TBC1D23: variants seen among roughly 807,000 people sequenced by gnomAD.
TBC1D23 encodes the protein TBC1 domain family member 23, also known as HCV non-structural protein 4A-transactivated protein 1.
TBC1D23 carries 55 observed loss-of-function variants against 91.4 expected under a neutral mutation model. The observed-to-expected ratio is 0.60, with a 90% CI of 0.48 to 0.75. TBC1D23 has a LOEUF of 0.75. Among genes scored for constraint, TBC1D23 ranks in the 30% least tolerant of loss-of-function variants. The probability of loss-of-function intolerance (pLI) is 0.00; values close to 1 mark genes in which losing one functional copy is unlikely to be tolerated. For missense variants in TBC1D23, 725 were observed against 836.1 expected (o/e 0.87, Z 1.64); for synonymous variants, 289 against 281.0 (o/e 1.03, Z -0.28).
intron 16 of TBC1D23, among the ~76,000 whole-genome samples, chr3:100,317,798 A>T (rs1705776814): frequency 6.6e-6 from 1 of 152,164 alleles, no homozygotes; most frequent in Admixed American, 6.6e-5. Flanking sequence ...CTACACACAC[A>T]TATTTACAAT....
intron 10 of TBC1D23, among the ~76,000 whole-genome samples, chr3:100,300,586 C>T (rs892485438): frequency 4.0e-5 from 6 of 149,840 alleles, no homozygotes; most frequent in African/African-American, 1.5e-4. Context: ...ACTGCAACCT[C>T]AGCCTCCCAG....
At chr3:100,316,501 T>G (rs898919050) in intron 16 of TBC1D23, among the ~76,000 whole-genome samples, 1 of 151,810 alleles carries the variant, frequency 6.6e-6, no homozygotes, top group South Asian at 2.1e-4. Flanking sequence ...AAATGTTGAG[T>G]AGAGGCAGTT....
At chr3:100,323,441 G>C in intron 18 of TBC1D23, 146 bp from the exon 19 acceptor site, 1 of 292,416 alleles carries the variant, frequency 3.4e-6, no homozygotes. Context: ...TACATAGGAG[G>C]CATCTCTGCT....
At chr3:100,278,346 C>CT (rs2067666756) in intron 1 of TBC1D23, among the ~76,000 whole-genome samples, 1 of 151,288 alleles carries the variant, frequency 6.6e-6, no homozygotes, top group African/African-American at 2.4e-5. Flanking sequence ...TAAACAATGA[C>CT]TGAAACCTCA....
intron 4 of TBC1D23, 107 bp from the exon 5 acceptor site, chr3:100,290,471 G>A: frequency 1.0e-6 from 1 of 962,282 alleles, no homozygotes; most frequent in Non-Finnish European, 1.6e-6. Flanking sequence ...CTACTGTCAG[G>A]TAGGCTTCCA....
At chr3:100,308,733 A>G (rs1265777272) in intron 13 of TBC1D23, among the ~76,000 whole-genome samples, 1 of 152,210 alleles carries the variant, frequency 6.6e-6, no homozygotes, top group Non-Finnish European at 1.5e-5. Flanking sequence ...TTAAAATGCT[A>G]TTTAAAAATA....
intron 1 of TBC1D23, among the ~76,000 whole-genome samples, chr3:100,262,723 CAAAAAAAAAA>C (rs1174689237): frequency 3.9e-5 from 2 of 51,422 alleles, no homozygotes; most frequent in Non-Finnish European, 6.9e-5. Context: ...GGCTCGGTCT[CAAAAAAAAAA>C]AAAAAAAAAA....
intron 13 of TBC1D23, among the ~76,000 whole-genome samples, chr3:100,308,424 C>T (rs984859583): frequency 6.6e-6 from 1 of 151,112 alleles, no homozygotes; most frequent in Non-Finnish European, 1.5e-5. Context: ...GCAGTGAGCC[C>T]ACATCCCGCC....
intron 1 of TBC1D23, among the ~76,000 whole-genome samples, chr3:100,263,911 T>C (rs559522233): frequency 6.6e-6 from 1 of 152,326 alleles, no homozygotes; most frequent in African/African-American, 2.4e-5. Flanking sequence ...TCTTGTAGGA[T>C]TGATGTATCT....
intron 13 of TBC1D23, 152 bp from the exon 14 acceptor site, chr3:100,310,251 T>C: frequency 1.4e-6 from 1 of 692,160 alleles, no homozygotes; most frequent in Non-Finnish European, 2.4e-6. Flanking sequence ...TGTCTCCAAA[T>C]ACAGTCACAT....
chr3:100,308,151 AT>A (rs202090043), intron 13 of TBC1D23, among the ~76,000 whole-genome samples: 1 of 152,126 alleles, frequency 6.6e-6, no homozygotes, highest in East Asian at 1.9e-4. Context: ...TAGAAACATA[AT>A]TTTTTTTGTT....
At chr3:100,296,465 ATAG>A (rs2067841711) in intron 8 of TBC1D23, among the ~76,000 whole-genome samples, 190 bp downstream of exon 8, 1 of 152,050 alleles carries the variant, frequency 6.6e-6, no homozygotes, top group African/African-American at 2.4e-5. Flanking sequence ...AGTTAAAAAG[ATAG>A]TAGAACGCAT....
intron 18 of TBC1D23, among the ~76,000 whole-genome samples, chr3:100,322,368 C>T (rs974826657): frequency 6.6e-6 from 1 of 152,164 alleles, no homozygotes; most frequent in Non-Finnish European, 1.5e-5. Context: ...GCTGAGATTA[C>T]AGGAGTGAGC....
intron 11 of TBC1D23, among the ~76,000 whole-genome samples, chr3:100,302,840 G>A (rs757787010): frequency 4.6e-5 from 7 of 152,106 alleles, no homozygotes; most frequent in Non-Finnish European, 7.4e-5. Flanking sequence ...CGCCCTCCTC[G>A]GCCTCCTAGA....
intron 1 of TBC1D23, among the ~76,000 whole-genome samples, chr3:100,276,615 C>T (rs1559801726): frequency 6.6e-6 from 1 of 152,082 alleles, no homozygotes; most frequent in Non-Finnish European, 1.5e-5. Context: ...AAACTATTTC[C>T]ATATAAATCC....
chr3:100,308,151 A>T (rs1011284193), intron 13 of TBC1D23, among the ~76,000 whole-genome samples: 2 of 152,244 alleles, frequency 1.3e-5, no homozygotes, highest in South Asian at 2.1e-4. Context: ...TAGAAACATA[A>T]TTTTTTTTGT....
chr3:100,279,230 C>T (rs983589598), intron 1 of TBC1D23, among the ~76,000 whole-genome samples: 1 of 152,108 alleles, frequency 6.6e-6, no homozygotes, highest in African/African-American at 2.4e-5. Flanking sequence ...TGCATCTGTA[C>T]GTGGGGTCAG....
intron 10 of TBC1D23, 128 bp from the exon 11 acceptor site, chr3:100,301,939 C>CT: frequency 6.3e-6 from 4 of 639,126 alleles, no homozygotes; most frequent in Non-Finnish European, 1.1e-5. Flanking sequence ...TTATAAGAGC[C>CT]TTTTTTTCCC....
rs756300702 is a variant in TBC1D23 at position 100,298,009 on chromosome 3, C to T, written c.963C>T (p.Ser321=). ...DLSQALCLAI[S]VSEILQANQL... ...GTCAGGCTCTTTGTCTGGCCATCTC[C>T]GTGTCAGAGATCCTTCAAGCGAATC... The change falls in exon 9 of 19, where the codon TCC becomes TCT. Residue 321 remains serine (S), a synonymous_variant. Transcript: ENST00000394144. 9 of 1,612,996 alleles carry T rather than the reference C, an allele frequency of 5.6e-6. No individual in the cohort carries two copies. In the Middle Eastern group the frequency reaches 6.6e-4, roughly 118 times the overall value.
Sources: allele counts gnomAD v4.1 joint callset (sites outside exome capture counted in the v4.1 genomes callset), GRCh38; gene constraint gnomAD v4.1.1; transcripts MANE v1.5; gene names NCBI Gene and HGNC (gene_info 2026-07-23, HGNC 2026-07-21).